The following NUP214 variants were observed in gnomAD, a reference collection of about 807,000 sequenced individuals.
NUP214 encodes nuclear pore complex protein Nup214.
A neutral mutation model predicts 196.2 loss-of-function variants in NUP214; 79 were observed. The ratio of observed to expected loss-of-function variants is 0.40; its 90% CI spans 0.34 to 0.49. The LOEUF (loss-of-function observed/expected upper bound fraction) is 0.49, where lower values mean the gene tolerates loss of function less well. NUP214 is among the 20% of genes least tolerant of loss of function. The pLI is 0.58. For missense variants in NUP214, 2,468 were observed against 2,539.0 expected (o/e 0.97, Z 0.60); for synonymous variants, 1,020 against 990.5 (o/e 1.03, Z -0.56).
intron 24 of NUP214, among the ~76,000 whole-genome samples, chr9:131,183,176 C>G (rs912637903): frequency 6.6e-6 from 1 of 152,178 alleles, no homozygotes; most frequent in Non-Finnish European, 1.5e-5. Flanking sequence ...CCTCTGCCTC[C>G]CAGGTTCAAG....
intron 30 of NUP214, among the ~76,000 whole-genome samples, chr9:131,208,403 G>A (rs944008973): frequency 2.6e-5 from 4 of 152,212 alleles, no homozygotes; most frequent in Admixed American, 6.5e-5. Flanking sequence ...CCATAAAAAG[G>A]AGTGAAGTTC....
intron 17 of NUP214, among the ~76,000 whole-genome samples, chr9:131,153,959 AAAG>A (rs1259218525): frequency 2.0e-5 from 3 of 152,316 alleles, no homozygotes; most frequent in East Asian, 3.9e-4. Context: ...GAGCCAGAGA[AAAG>A]AAGTATTTGT....
At chr9:131,201,441 T>C (rs982549398) in intron 29 of NUP214, among the ~76,000 whole-genome samples, 3 of 151,884 alleles carry the variant, frequency 2.0e-5, no homozygotes, top group Non-Finnish European at 4.4e-5. Flanking sequence ...TGGCACACAC[T>C]TGAGTCCCAG....
At position 131,146,319 on chromosome 9, in the gene NUP214, A is replaced by G; in HGVS notation, c.1945+15A>G. ...CTCACCATCAGGTATGATTTTAAGC[A>G]GACAACTTTAGACCTCAGCCCTGCC... On this transcript the variant is annotated intron_variant, in intron 13 of 35. Transcript: ENST00000359428. The surrounding 1 kb of genome is among the most constrained non-coding windows in gnomAD (Gnocchi z 4.6). The G allele has an allele frequency of 6.2e-7, 1 of 1,611,620 alleles. No homozygotes were observed. Among genetic ancestry groups the G allele is most frequent in the South Asian group, 1.1e-5 (1 of 91,004 alleles).
At chr9:131,186,142 A>G (rs1174301786) in intron 24 of NUP214, among the ~76,000 whole-genome samples, 1 of 152,168 alleles carries the variant, frequency 6.6e-6, no homozygotes, top group Non-Finnish European at 1.5e-5. Context: ...GTACAGATTC[A>G]GCGGAGGTGA....
Position 131,129,379 on chromosome 9 carries a change from T to C in NUP214, c.494T>C (p.Val165Ala). The C allele has an allele frequency of 1.9e-6, 3 of 1,614,108 alleles. No homozygotes were observed. Among genetic ancestry groups the C allele is most frequent in the Non-Finnish European group, 2.5e-6 (3 of 1,179,936 alleles). The change falls in exon 4 of 36, where the codon GTG (valine) becomes GCG (alanine). Residue 165 changes from valine to alanine, a missense_variant. Val to Ala is a moderately conservative substitution (Grantham distance 64). This residue lies in a region of NUP214 where 392 missense variants were observed against 417.9 expected (regional missense o/e 0.94). Coordinates refer to ENST00000359428, the MANE Select transcript of NUP214 (RefSeq NM_005085.4). ...TGGAACCCCACTGTCCCCTCCATGG[T>C]GGCAGTTTGTCTGGCTGATGGTAGT... ...MKWNPTVPSM[V>A]AVCLADGSIA...
At chr9:131,192,909 C>T (rs1471054162) in intron 27 of NUP214, among the ~76,000 whole-genome samples, 1 of 136,096 alleles carries the variant, frequency 7.3e-6, no homozygotes, top group African/African-American at 2.8e-5. Context: ...CCATTGTACT[C>T]CAGCCTGGGC....
intron 32 of NUP214, among the ~76,000 whole-genome samples, chr9:131,227,061 A>G (rs1834743824): frequency 6.6e-6 from 1 of 152,254 alleles, no homozygotes; most frequent in African/African-American, 2.4e-5. Context: ...GCTCCCAGTT[A>G]GAGCACATTT....
intron 30 of NUP214, among the ~76,000 whole-genome samples, chr9:131,211,660 T>C (rs1834243677): frequency 1.3e-5 from 2 of 152,352 alleles, no homozygotes; most frequent in Admixed American, 1.3e-4. Context: ...CTTACGCCTG[T>C]CTTTACTACA....
intron 24 of NUP214, among the ~76,000 whole-genome samples, chr9:131,184,335 C>CT (rs544235064): frequency 0.054 from 5,014 of 93,662 alleles, 130 homozygotes; most frequent in African/African-American, 0.08. Flanking sequence ...CGGCCTCTCT[C>CT]TTTTTTTTTT....
At chr9:131,192,990 A>AGTATAC (rs1833654606) in intron 27 of NUP214, among the ~76,000 whole-genome samples, 1 of 150,360 alleles carries the variant, frequency 6.7e-6, no homozygotes, top group South Asian at 2.1e-4. Context: ...TCGAGAGTAC[A>AGTATAC]GTATACTAAA....
intron 30 of NUP214, among the ~76,000 whole-genome samples, chr9:131,208,008 A>G (rs1348501263): frequency 6.6e-6 from 1 of 152,238 alleles, no homozygotes; most frequent in Non-Finnish European, 1.5e-5. Context: ...AATCAAAACC[A>G]CAATTAGATA....
In NUP214 at chr9:131,222,896, C is replaced by G; in HGVS notation, c.5868C>G (p.Ser1956=). The change falls in exon 32 of 36, where the codon TCC becomes TCG. Residue 1956 remains serine (S), a synonymous_variant. Coordinates refer to ENST00000359428, the MANE Select transcript of NUP214 (RefSeq NM_005085.4). ...GCTCTGGAGGAGGAAGTGTGGCATC[C>G]CAAGGCTTTGGGTTTTCCTCTCCAA... ...TFSSGGGSVA[S]QGFGFSSPNK... is the part of the protein sequence containing the mutation. 2.5e-6 allele frequency: 4 copies of G among 1,614,166 alleles called. No individual in the cohort carries two copies. The highest frequency in any genetic ancestry group is 2.2e-5 in the East Asian group (1 of 44,878).
Position 131,193,331 on chromosome 9 carries a change from C to G in NUP214, c.3659+1039C>G, listed in dbSNP as rs1476853941. Among the ~76,000 whole-genome samples the G allele has an allele frequency of 3.3e-5, 5 of 152,226 alleles. No homozygotes were observed. The East Asian group carries it at 5.8e-4, about 18-fold the overall frequency. The stretch of plus-strand genomic sequence containing the variant: ...TGTGCATTCAGTTCCTTAGAAAAGC[C>G]TCTTAAGTTCTTCAGTTTATGCTTT... On this transcript the variant is annotated intron_variant, in intron 27 of 35. Transcript: ENST00000359428.
chr9:131,168,884 C>A (rs1212038925), intron 21 of NUP214, among the ~76,000 whole-genome samples: 1 of 152,118 alleles, frequency 6.6e-6, no homozygotes, highest in Non-Finnish European at 1.5e-5. Context: ...TATCCCTATA[C>A]ATGTATGTTT....
Position 131,197,845 on chromosome 9 carries a change from C to A in NUP214, c.4351C>A (p.Pro1451Thr), listed in dbSNP as rs143727504. 4.0e-5 allele frequency: 64 copies of A among 1,613,092 alleles called. No homozygotes were observed. Among genetic ancestry groups the A allele is most frequent in the Admixed American group, 5.0e-5 (3 of 60,006 alleles). The stretch of plus-strand genomic sequence containing the variant: ...AAGCCAACAGACCAATAGCACAGTG[C>A]CCCCATCTGCCCCACCACCAACTAC... The part of the protein sequence containing the change: ...FGSQQTNSTV[P>T]PSAPPPTTAA... The change falls in exon 29 of 36, where the codon CCC becomes ACC. Residue 1451 changes from proline (P) to threonine (T), a missense_variant. By Grantham distance (38) the Pro-to-Thr change is conservative (BLOSUM62 -1). This residue lies in a region of NUP214 where 1,801 missense variants were observed against 1,779.4 expected (regional missense o/e 1.01). Transcript: ENST00000359428.
chr9:131,205,497 A>G (rs2131061194), intron 30 of NUP214, among the ~76,000 whole-genome samples: 1 of 152,370 alleles, frequency 6.6e-6, no homozygotes, highest in East Asian at 1.9e-4. Context: ...TGTAACCAAC[A>G]GAAATGAGTG....
Position 131,130,603 on chromosome 9 carries a change from C to T in NUP214, c.593-163C>T, listed in dbSNP as rs562628349. On this transcript the variant is annotated intron_variant, in intron 4 of 35. Coordinates refer to ENST00000359428, the MANE Select transcript of NUP214 (RefSeq NM_005085.4). ...CAGTGATAAATCAATTGGCTTATATCGTTAAAATGATTTTACTTTTTTCCA... is the reference window on the plus strand; with the variant it reads ...CAGTGATAAATCAATTGGCTTATATTGTTAAAATGATTTTACTTTTTTCCA... Among the ~76,000 whole-genome samples the T allele has an allele frequency of 4.0e-4, 61 of 152,238 alleles. 1 individual carries two copies. Among genetic ancestry groups the T allele is most frequent in the African/African-American group, 1.2e-3 (48 of 41,536 alleles).
intron 31 of NUP214, among the ~76,000 whole-genome samples, chr9:131,217,240 A>G (rs1158690310): frequency 6.6e-6 from 1 of 152,254 alleles, no homozygotes; most frequent in Non-Finnish European, 1.5e-5. Context: ...CCACTAATAC[A>G]TAAGGAAAGA....
Sources: gnomAD v4.1 joint callset for allele counts (sites outside exome capture counted in the v4.1 genomes callset) on GRCh38, gnomAD v4.1.1 for gene constraint, gnomAD v4.1.1 regional missense constraint, Gnocchi (gnomAD v3.1) non-coding constraint, MANE v1.5 for transcripts, NCBI Gene and HGNC (gene_info 2026-07-23, HGNC 2026-07-21) for gene names.